Variants in NKAIN2 observed in about 807,000 individuals in gnomAD.
The protein encoded by NKAIN2 is sodium/potassium transporting ATPase interacting 2.
NKAIN2 carries 14 observed loss-of-function variants against 32.6 expected under a neutral mutation model. The ratio of observed to expected loss-of-function variants is 0.43; its 90% CI spans 0.28 to 0.67. NKAIN2 has a LOEUF of 0.67. Among genes scored for constraint, NKAIN2 ranks in the 30% least tolerant of loss-of-function variants. The pLI is 0.17. For missense variants in NKAIN2, 198 were observed against 258.3 expected, an observed-to-expected ratio of 0.77 and a Z score of 1.60; for synonymous variants, 80 against 87.2, an observed-to-expected ratio of 0.92 and a Z score of 0.46.
At chr6:124,251,118 A>G (rs1793675771) in intron 1 of NKAIN2, among the ~76,000 whole-genome samples, 1 of 152,004 alleles carries the variant, frequency 6.6e-6, no homozygotes, top group Middle Eastern at 3.2e-3. Context: ...GAACTAGAAA[A>G]CATAAAATAA....
chr6:124,529,795 A>G (rs745392560), intron 3 of NKAIN2, among the ~76,000 whole-genome samples: 1 of 152,262 alleles, frequency 6.6e-6, no homozygotes, highest in Admixed American at 6.5e-5. Context: ...CTCATGTTAT[A>G]ATTTTTTCCA....
chr6:124,076,279 G>A lies in NKAIN2; in HGVS notation c.55-206726G>A, dbSNP rs141687780. On this transcript the variant is annotated intron_variant, in intron 1 of 6. Coordinates refer to ENST00000368417, the MANE Select transcript of NKAIN2 (RefSeq NM_001040214.3). ...GAGAATGAGTATTAAAAAAGTTGAG[G>A]CAGGATGTCCACTGTCTGAGCTGGA... Among the ~76,000 whole-genome samples, 1,351 of 152,266 alleles carry A rather than the reference G, an allele frequency of 8.9e-3. 19 individuals carry two copies. Among genetic ancestry groups the A allele is most frequent in the African/African-American group, 0.031 (1,283 of 41,564 alleles).
At position 124,241,361 on chromosome 6, in the gene NKAIN2, T is replaced by C. The variant is rs751183871; in HGVS notation, c.55-41644T>C. 3.2e-4 allele frequency among the ~76,000 whole-genome samples: 49 copies of C among 152,054 alleles called. 1 individual carries two copies. The highest frequency in any genetic ancestry group is 6.6e-4 in the Admixed American group (10 of 15,254). On this transcript the variant is annotated intron_variant, in intron 1 of 6. Coordinates refer to ENST00000368417, the MANE Select transcript of NKAIN2 (RefSeq NM_001040214.3). ...CAATGCTATTCCCATCAAGCTACCA[T>C]TGACTTTCTTCACAGAATTAGAAAA...
At chr6:124,225,202 A>C (rs1053617088) in intron 1 of NKAIN2, among the ~76,000 whole-genome samples, 1 of 152,082 alleles carries the variant, frequency 6.6e-6, no homozygotes, top group Non-Finnish European at 1.5e-5. Flanking sequence ...CTCTTAATTA[A>C]TGCTTCCACA....
rs553246991 is a variant in NKAIN2 at position 124,803,891 on chromosome 6, T to A, written c.535+12492T>A. Among the ~76,000 whole-genome samples the A allele has an allele frequency of 5.3e-5, 8 of 152,312 alleles. No individual in the cohort carries two copies. In the South Asian group the frequency reaches 1.7e-3, roughly 32 times the overall value. On this transcript the variant is annotated intron_variant, in intron 5 of 6. Coordinates refer to ENST00000368417, the MANE Select transcript of NKAIN2 (RefSeq NM_001040214.3). ...AAATCCTTTTTGAAAAGAGAGGAGA[T>A]CCCAATCCTACTCATAGTGTATTTT...
At chr6:124,193,787 C>T (rs1396210508) in intron 1 of NKAIN2, among the ~76,000 whole-genome samples, 1 of 152,006 alleles carries the variant, frequency 6.6e-6, no homozygotes, top group Non-Finnish European at 1.5e-5. Flanking sequence ...CAGCGGGTAG[C>T]TTCTTTCTGC....
chr6:124,227,068 A>G (rs1792153207), intron 1 of NKAIN2, among the ~76,000 whole-genome samples: 1 of 139,022 alleles, frequency 7.2e-6, no homozygotes, highest in Non-Finnish European at 1.5e-5. Flanking sequence ...AAGATTCACT[A>G]TTGCTACTCT....
At chr6:123,966,669 T>A (rs1778095448) in intron 1 of NKAIN2, among the ~76,000 whole-genome samples, 1 of 152,178 alleles carries the variant, frequency 6.6e-6, no homozygotes, top group Admixed American at 6.6e-5. Flanking sequence ...ATGCCACAGT[T>A]CATTTGCTGG....
intron 1 of NKAIN2, among the ~76,000 whole-genome samples, chr6:124,277,451 GTGTGTGTA>G (rs1049405485): frequency 2.0e-5 from 3 of 148,864 alleles, no homozygotes; most frequent in African/African-American, 7.6e-5. Flanking sequence ...GTGTGTGTGT[GTGTGTGTA>G]TCTGTGTGTG....
At chr6:124,056,354 T>C (rs1281793808) in intron 1 of NKAIN2, among the ~76,000 whole-genome samples, 1 of 151,818 alleles carries the variant, frequency 6.6e-6, no homozygotes, top group Non-Finnish European at 1.5e-5. Flanking sequence ...GTTTTTGATG[T>C]ACAAAATATT....
chr6:124,014,146 G>T (rs1335928617), intron 1 of NKAIN2, among the ~76,000 whole-genome samples: 2 of 151,976 alleles, frequency 1.3e-5, no homozygotes, highest in Non-Finnish European at 2.9e-5. Flanking sequence ...TCTTTCATTT[G>T]CATTGTTTCT....
chr6:124,824,333 C>T lies in NKAIN2; in HGVS notation c.*1104C>T, dbSNP rs1781508698. 1 of 151,912 alleles carries T rather than the reference C, an allele frequency of 6.6e-6. No individual in the cohort carries two copies. Among genetic ancestry groups the T allele is most frequent in the African/African-American group, 2.4e-5 (1 of 41,206 alleles). The allele number at this position is 151,912 out of a possible 1,614,324, so 9.4% of individuals were successfully genotyped here. A position where few individuals can be genotyped will look rare whatever the true frequency, so the allele number is the denominator to read the frequency against. On this transcript the variant is annotated 3_prime_UTR_variant, in exon 7 of 7. Transcript: ENST00000368417. ...TACGTAGGTGAACTTTTTTTTCTAA[C>T]TTCAGTGTACAAGATTATTTTTGGG... is the stretch of plus-strand genomic sequence containing the variant.
At chr6:124,274,545 C>T (rs1322789231) in intron 1 of NKAIN2, among the ~76,000 whole-genome samples, 1 of 152,038 alleles carries the variant, frequency 6.6e-6, no homozygotes, top group Admixed American at 6.6e-5. Context: ...AAGTCATGGC[C>T]ATGGAAGTTA....
intron 1 of NKAIN2, among the ~76,000 whole-genome samples, chr6:124,077,872 T>C (rs573003808): frequency 3.7e-4 from 56 of 152,230 alleles, no homozygotes; most frequent in African/African-American, 1.3e-3. Flanking sequence ...AGTGCTGGGA[T>C]TACAGGCGTG....
At chr6:124,646,392 A>C (rs1321652316) in intron 3 of NKAIN2, among the ~76,000 whole-genome samples, 1 of 152,194 alleles carries the variant, frequency 6.6e-6, no homozygotes, top group East Asian at 1.9e-4. Context: ...AGTGGGAAAG[A>C]AAAGATAAGA....
chr6:124,501,750 G>A (rs751310253), intron 3 of NKAIN2, among the ~76,000 whole-genome samples: 12 of 151,874 alleles, frequency 7.9e-5, no homozygotes, highest in South Asian at 4.2e-4. Flanking sequence ...TTGTCTCATC[G>A]CTCCCTTTCC....
intron 4 of NKAIN2, among the ~76,000 whole-genome samples, chr6:124,687,047 G>C (rs1311245479): frequency 2.0e-5 from 3 of 151,836 alleles, no homozygotes; most frequent in Admixed American, 2.0e-4. Context: ...TTTGAGGCTG[G>C]AATTGGCTCT....
At chr6:124,076,821 C>T (rs1032806376) in intron 1 of NKAIN2, among the ~76,000 whole-genome samples, 2 of 152,118 alleles carry the variant, frequency 1.3e-5, no homozygotes, top group African/African-American at 4.8e-5. Flanking sequence ...GGAGTCACGC[C>T]CAGGCTCTCC....
chr6:124,128,335 C>G (rs1435185872), intron 1 of NKAIN2, among the ~76,000 whole-genome samples: 1 of 152,104 alleles, frequency 6.6e-6, no homozygotes, highest in Non-Finnish European at 1.5e-5. Context: ...TTTCGCTAGT[C>G]CAACTGAGAA....
Sources: allele counts gnomAD v4.1 joint callset (sites outside exome capture counted in the v4.1 genomes callset), GRCh38; gene constraint gnomAD v4.1.1; transcripts MANE v1.5; gene names NCBI Gene and HGNC (gene_info 2026-07-23, HGNC 2026-07-21).